The following AUTS2 variants were observed in gnomAD, a reference collection of about 807,000 sequenced individuals.
The protein encoded by AUTS2 is activator of transcription and developmental regulator AUTS2.
Under a neutral mutation model 112.4 loss-of-function variants are expected in AUTS2, and 17 were observed. The ratio of observed to expected loss-of-function variants is 0.15; its 90% CI spans 0.10 to 0.23. AUTS2 has a LOEUF of 0.23. AUTS2 is among the 10% of genes least tolerant of loss of function. AUTS2 has a pLI of 1.00. For missense variants in AUTS2, 1,510 were observed against 1,701.6 expected, an observed-to-expected ratio of 0.89 and a Z score of 1.98; for synonymous variants, 751 against 702.7, an observed-to-expected ratio of 1.07 and a Z score of -1.09.
chr7:70,757,195 T>G (rs1789266510), intron 6 of AUTS2, among the ~76,000 whole-genome samples: 1 of 152,230 alleles, frequency 6.6e-6, no homozygotes, highest in African/African-American at 2.4e-5. Flanking sequence ...CCCTGTAATT[T>G]TCTTGTTAGG....
At chr7:70,781,856 C>T (rs1278236397) in intron 15 of AUTS2, 100 bp downstream of exon 15, 1 of 1,471,742 alleles carries the variant, frequency 6.8e-7, no homozygotes, top group South Asian at 1.3e-5. Context: ...CAGTCACCAC[C>T]TACAAAAATA....
At chr7:69,855,279 CTTA>C (rs1446446220) in intron 1 of AUTS2, among the ~76,000 whole-genome samples, 2 of 152,078 alleles carry the variant, frequency 1.3e-5, no homozygotes, top group African/African-American at 2.4e-5. Flanking sequence ...CTAAACCAAT[CTTA>C]TTGTTGTGAA....
chr7:70,494,829 A>G (rs190364987), intron 5 of AUTS2, among the ~76,000 whole-genome samples: 27 of 152,264 alleles, frequency 1.8e-4, no homozygotes, highest in African/African-American at 6.3e-4. Context: ...GTCTCTTGTT[A>G]CATTTTTTGG....
At chr7:70,183,025 G>A (rs1809400574) in intron 4 of AUTS2, among the ~76,000 whole-genome samples, 1 of 152,154 alleles carries the variant, frequency 6.6e-6, no homozygotes, top group South Asian at 2.1e-4. Context: ...CATTTTGAAG[G>A]AAAATGGGAG....
At chr7:69,614,092 G>C (rs997119584) in intron 1 of AUTS2, among the ~76,000 whole-genome samples, 1 of 152,038 alleles carries the variant, frequency 6.6e-6, no homozygotes, top group Non-Finnish European at 1.5e-5. Flanking sequence ...TTTTGAGAAG[G>C]CTCCTCCTCA....
chr7:69,994,693 T>C (rs1798871338), intron 2 of AUTS2, among the ~76,000 whole-genome samples: 1 of 152,226 alleles, frequency 6.6e-6, no homozygotes, highest in African/African-American at 2.4e-5. Context: ...GATTATCTGC[T>C]ATTTACTGGT....
chr7:70,419,438 G>C (rs560064508), intron 4 of AUTS2, among the ~76,000 whole-genome samples: 1 of 151,560 alleles, frequency 6.6e-6, no homozygotes, highest in Admixed American at 6.6e-5. Flanking sequence ...ACTGGGGGCT[G>C]GGGGGTGGGG....
intron 4 of AUTS2, among the ~76,000 whole-genome samples, chr7:70,352,235 C>A (rs905812283): frequency 6.6e-6 from 1 of 152,192 alleles, no homozygotes. Flanking sequence ...CTGCACTGTT[C>A]TGCCAACTCT....
At chr7:69,766,945 G>T (rs1264762149) in intron 1 of AUTS2, among the ~76,000 whole-genome samples, 4 of 152,126 alleles carry the variant, frequency 2.6e-5, no homozygotes, top group Admixed American at 2.6e-4. Flanking sequence ...CTGCCATTGG[G>T]GTTGCACCAC....
intron 5 of AUTS2, among the ~76,000 whole-genome samples, chr7:70,564,293 C>T (rs1205443299): frequency 1.3e-5 from 2 of 152,214 alleles, no homozygotes; most frequent in Non-Finnish European, 2.9e-5. Context: ...CTTCTCCATG[C>T]TCAGTGTCTG....
At chr7:70,126,666 T>C (rs1048174989) in intron 3 of AUTS2, among the ~76,000 whole-genome samples, 4 of 152,308 alleles carry the variant, frequency 2.6e-5, no homozygotes, top group Admixed American at 2.6e-4. Context: ...CTGAGGAAAT[T>C]TGTCAAAAGT....
intron 6 of AUTS2, among the ~76,000 whole-genome samples, chr7:70,738,618 C>A (rs1787913611): frequency 6.6e-6 from 1 of 152,078 alleles, no homozygotes; most frequent in South Asian, 2.1e-4. Flanking sequence ...TGTGAGCTGC[C>A]AAGGCCCATA....
At chr7:70,599,327 CT>C (rs573525688) in intron 5 of AUTS2, among the ~76,000 whole-genome samples, 9 of 152,340 alleles carry the variant, frequency 5.9e-5, no homozygotes, top group African/African-American at 2.2e-4. Context: ...ACAGGGTAAT[CT>C]CAGTACCTTT....
chr7:70,707,141 G>A (rs1809781604), intron 6 of AUTS2, among the ~76,000 whole-genome samples: 1 of 152,100 alleles, frequency 6.6e-6, no homozygotes, highest in Non-Finnish European at 1.5e-5. Context: ...TGATACAGTG[G>A]GCTAAGTATT....
intron 6 of AUTS2, among the ~76,000 whole-genome samples, chr7:70,731,961 T>G (rs1300682179): frequency 6.6e-6 from 1 of 152,148 alleles, no homozygotes; most frequent in East Asian, 1.9e-4. Flanking sequence ...TGCAATAAAT[T>G]TTTCACTGAT....
rs180915335 is a variant in AUTS2 at position 69,854,397 on chromosome 7, T to G, written c.310-44889T>G. ...GTTTTACTTCCTCCCTGTATTCTCT[T>G]GTACTTCATCAACCTGAATTCTTTA... is the stretch of plus-strand genomic sequence containing the variant. On this transcript the variant is annotated intron_variant, in intron 1 of 18. Coordinates refer to ENST00000342771, the MANE Select transcript of AUTS2 (RefSeq NM_015570.4). Among the ~76,000 whole-genome samples the G allele has an allele frequency of 2.1e-3, 326 of 152,296 alleles. 3 individuals carry two copies. Among genetic ancestry groups the G allele is most frequent in the Non-Finnish European group, 4.2e-3 (289 of 68,002 alleles).
chr7:70,374,183 C>G (rs1792977266), intron 4 of AUTS2, among the ~76,000 whole-genome samples: 1 of 152,124 alleles, frequency 6.6e-6, no homozygotes, highest in African/African-American at 2.4e-5. Context: ...GGGAAAAAAT[C>G]ATTAATGTCT....
chr7:70,699,034 A>G (rs1809297420), intron 6 of AUTS2: 1 of 155,098 alleles, frequency 6.4e-6, no homozygotes, highest in African/African-American at 2.4e-5. Context: ...ATGGTCATAA[A>G]CCAAGCCTTA....
chr7:70,203,364 A>C (rs1810400597), intron 4 of AUTS2, among the ~76,000 whole-genome samples: 1 of 139,504 alleles, frequency 7.2e-6, no homozygotes, highest in Admixed American at 7.2e-5. Context: ...AAAAAAAAAG[A>C]AGTTTACGGA....
Sources: allele counts gnomAD v4.1 joint callset (sites outside exome capture counted in the v4.1 genomes callset), GRCh38; gene constraint gnomAD v4.1.1; transcripts MANE v1.5; gene names NCBI Gene and HGNC (gene_info 2026-07-23, HGNC 2026-07-21).